PCGF6: variants seen among roughly 807,000 people sequenced by gnomAD.
PCGF6 encodes polycomb group RING finger protein 6.
A neutral mutation model predicts 45.5 loss-of-function variants in PCGF6; 24 were observed. That is an observed-to-expected ratio of 0.53 (90% CI 0.38 to 0.74). PCGF6 has a LOEUF of 0.74. PCGF6 is among the 30% of genes least tolerant of loss of function. PCGF6 has a pLI of 0.00. For missense variants in PCGF6, 356 were observed against 443.2 expected, an observed-to-expected ratio of 0.80 and a Z score of 1.77; for synonymous variants, 152 against 162.1, an observed-to-expected ratio of 0.94 and a Z score of 0.47.
At position 103,350,691 on chromosome 10, in the gene PCGF6, C is replaced by A. The variant is rs1356881610; in HGVS notation, c.360+16G>T. ...GCCGCTTGGGCCCAGCGGGGTCGCG[C>A]GGGGGCTCTAAATACCTCCTCCTCG... On this transcript the variant is annotated intron_variant, in intron 1 of 9. Transcript: ENST00000369847. 2 of 1,467,066 alleles carry A rather than the reference C, an allele frequency of 1.4e-6. No homozygotes were observed. The highest frequency in any genetic ancestry group is 2.6e-5 in the East Asian group (1 of 37,750). The allele number at this position is 1,467,066 out of a possible 1,614,324, so 90.9% of individuals were successfully genotyped here.
chr10:103,327,636 G>A (rs1484026912), intron 7 of PCGF6, among the ~76,000 whole-genome samples: 1 of 151,518 alleles, frequency 6.6e-6, no homozygotes, highest in African/African-American at 2.4e-5. Context: ...TTTTGTATAA[G>A]TTTTAAAATT....
At chr10:103,322,953 A>G (rs895181337) in intron 8 of PCGF6, among the ~76,000 whole-genome samples, 2 of 152,052 alleles carry the variant, frequency 1.3e-5, no homozygotes, top group Non-Finnish European at 2.9e-5. Context: ...ACACAGACAC[A>G]TAAATAGCCA....
At position 103,348,927 on chromosome 10, in the gene PCGF6, T is replaced by C. The variant is rs1192155840; in HGVS notation, c.433A>G (p.Thr145Ala). ...SICKGYLIDA[T>A]TITECLHTFC... ...GTATGAAGACATTCTGTGATGGTAGTTGCATCTATTAAGTAACCTTTGCAA... is the reference window on the plus strand; with the variant it reads ...GTATGAAGACATTCTGTGATGGTAGCTGCATCTATTAAGTAACCTTTGCAA... The change falls in exon 2 of 10, where the codon ACT becomes GCT. Residue 145 changes from threonine (T) to alanine (A), a missense_variant. Physicochemically the swap from Thr to Ala is moderately conservative, Grantham distance 58. Transcript: ENST00000369847. The C allele has an allele frequency of 2.5e-6, 4 of 1,613,220 alleles. No individual in the cohort carries two copies. The East Asian group carries it at 6.7e-5, about 27-fold the overall frequency.
chr10:103,341,835 C>T (rs983049255), intron 6 of PCGF6, among the ~76,000 whole-genome samples: 9 of 152,148 alleles, frequency 5.9e-5, no homozygotes, highest in Admixed American at 4.6e-4. Flanking sequence ...ACAAAAGTCA[C>T]ATTGTCACAT....
chr10:103,328,505 C>G (rs1253846224), intron 7 of PCGF6, among the ~76,000 whole-genome samples: 1 of 152,186 alleles, frequency 6.6e-6, no homozygotes, highest in African/African-American at 2.4e-5. Flanking sequence ...GGCTCAAACC[C>G]TGGTTCTGCC....
At chr10:103,347,927 T>C (rs555333308) in intron 3 of PCGF6, among the ~76,000 whole-genome samples, 42 of 152,332 alleles carry the variant, frequency 2.8e-4, no homozygotes, top group African/African-American at 9.9e-4. Context: ...CTGTCTATCA[T>C]CTGCAAAGCA....
At chr10:103,339,862 C>G (rs1278081949) in intron 6 of PCGF6, among the ~76,000 whole-genome samples, 1 of 122,766 alleles carries the variant, frequency 8.1e-6, no homozygotes, top group Admixed American at 8.4e-5. Context: ...CACACACACA[C>G]ACACAAAAGC....
intron 7 of PCGF6, among the ~76,000 whole-genome samples, chr10:103,328,179 T>C (rs2093226349): frequency 6.6e-6 from 1 of 152,058 alleles, no homozygotes; most frequent in Admixed American, 6.6e-5. Context: ...TAATCAGAAC[T>C]AAACAGTCCC....
At chr10:103,315,331 G>A (rs2093170926) in intron 8 of PCGF6, among the ~76,000 whole-genome samples, 1 of 152,008 alleles carries the variant, frequency 6.6e-6, no homozygotes, top group African/African-American at 2.4e-5. Flanking sequence ...GACTAGAGGT[G>A]TGCACCACCA....
chr10:103,314,627 G>A (rs1457543237), intron 8 of PCGF6, among the ~76,000 whole-genome samples: 1 of 152,138 alleles, frequency 6.6e-6, no homozygotes, highest in African/African-American at 2.4e-5. Context: ...GGTAGCAAAG[G>A]AAAGTATATC....
At chr10:103,337,540 C>G (rs2093261625) in intron 6 of PCGF6, among the ~76,000 whole-genome samples, 1 of 152,190 alleles carries the variant, frequency 6.6e-6, no homozygotes, top group East Asian at 1.9e-4. Flanking sequence ...AACCTATACT[C>G]TTTCAACATA....
At chr10:103,317,763 G>GTT (rs199856362) in intron 8 of PCGF6, among the ~76,000 whole-genome samples, 1 of 147,194 alleles carries the variant, frequency 6.8e-6, no homozygotes, top group Non-Finnish European at 1.5e-5. Context: ...TCTTTTTTCT[G>GTT]TTTTTTTTTT....
intron 7 of PCGF6, among the ~76,000 whole-genome samples, chr10:103,328,688 G>C (rs796525581): frequency 1.1e-4 from 16 of 152,262 alleles, no homozygotes; most frequent in African/African-American, 3.8e-4. Context: ...AGTGTTGTGA[G>C]CCATTTGTCT....
At chr10:103,348,602 G>T (rs1592080073) in intron 3 of PCGF6, 114 bp downstream of exon 3, 1 of 788,028 alleles carries the variant, frequency 1.3e-6, no homozygotes, top group Non-Finnish European at 1.9e-6. Flanking sequence ...TGGGATTATG[G>T]CATTAGCCAC....
At chr10:103,327,620 G>C (rs530209254) in intron 7 of PCGF6, among the ~76,000 whole-genome samples, 23 of 151,746 alleles carry the variant, frequency 1.5e-4, no homozygotes, top group Non-Finnish European at 2.9e-4. Context: ...ATACTATTCT[G>C]CCTACTTTTG....
rs772805762 is a variant in PCGF6, at chr10:103,326,529, T to C, written c.909+5A>G. On this transcript the variant is annotated splice_donor_5th_base_variant and intron_variant, in intron 8 of 9. Coordinates refer to ENST00000369847, the MANE Select transcript of PCGF6 (RefSeq NM_001011663.2). ...TACCTATTCTTTTACATATATGTAC[T>C]GTACCTGACAAGCTGGATCAAGACC... The C allele has an allele frequency of 5.0e-6, 8 of 1,596,952 alleles. No homozygotes were observed. The highest frequency in any genetic ancestry group is 2.6e-6 in the Non-Finnish European group (3 of 1,169,592).
At chr10:103,349,388 T>C (rs1022203851) in intron 1 of PCGF6, among the ~76,000 whole-genome samples, 7 of 151,746 alleles carry the variant, frequency 4.6e-5, no homozygotes, top group African/African-American at 1.7e-4. Context: ...CAAAATGTCA[T>C]TGCAACATGG....
Position 103,340,299 on chromosome 10 carries a change from T to C in PCGF6, c.782+4725A>G, listed in dbSNP as rs576040408. Reference sequence around the variant, plus strand: ...AGCTAGAAAACAGCAGAGCTACGACTTAAATCCAGATCTCCTATTCCAAGG... The same window carrying C: ...AGCTAGAAAACAGCAGAGCTACGACCTAAATCCAGATCTCCTATTCCAAGG... On this transcript the variant is annotated intron_variant, in intron 6 of 9. Transcript: ENST00000369847. Among the ~76,000 whole-genome samples, 3 of 150,730 alleles carry C rather than the reference T, an allele frequency of 2.0e-5. No individual in the cohort carries two copies. In the East Asian group the frequency reaches 5.8e-4, roughly 29 times the overall value.
At chr10:103,342,199 G>A (rs2093283315) in intron 6 of PCGF6, among the ~76,000 whole-genome samples, 2 of 150,898 alleles carry the variant, frequency 1.3e-5, no homozygotes, top group South Asian at 4.2e-4. Context: ...GCCTCCTCAA[G>A]TGCTGGGATT....
Sources: gnomAD v4.1 joint callset for allele counts (sites outside exome capture counted in the v4.1 genomes callset) on GRCh38, gnomAD v4.1.1 for gene constraint, MANE v1.5 for transcripts, NCBI Gene and HGNC (gene_info 2026-07-23, HGNC 2026-07-21) for gene names.